ALK: variants seen among roughly 807,000 people sequenced by gnomAD.
ALK encodes ALK receptor tyrosine kinase.
In ALK, 74 loss-of-function variants were observed where a neutral mutation model predicts 163.1. The observed-to-expected ratio is 0.45, with a 90% CI of 0.38 to 0.55. The LOEUF (loss-of-function observed/expected upper bound fraction) is 0.55. Ranked by LOEUF, ALK falls within the 20% of genes least tolerant of loss-of-function variation. ALK has a pLI of 0.00. For synonymous variants in ALK, 960 were observed against 843.2 expected (o/e 1.14, Z -2.40); for missense variants, 2,063 against 2,105.3 (o/e 0.98, Z 0.39).
At chr2:29,664,624 T>C (rs116038352) in intron 3 of ALK, among the ~76,000 whole-genome samples, 75 of 152,296 alleles carry the variant, frequency 4.9e-4, no homozygotes, top group African/African-American at 1.8e-3. Context: ...GGTTTCTTAA[T>C]ATGACTTTTA....
intron 4 of ALK, among the ~76,000 whole-genome samples, chr2:29,502,084 T>G (rs182614652): frequency 1.3e-5 from 2 of 152,322 alleles, no homozygotes. Context: ...ACTTACCATT[T>G]AACAAATTTT....
intron 4 of ALK, among the ~76,000 whole-genome samples, chr2:29,474,533 A>G (rs1481313308): frequency 1.3e-5 from 2 of 152,246 alleles, no homozygotes; most frequent in Admixed American, 1.3e-4. Context: ...TGATGGTGAC[A>G]AGGATGACTT....
chr2:29,296,059 C>T (rs1420521474), intron 9 of ALK, among the ~76,000 whole-genome samples: 2 of 152,150 alleles, frequency 1.3e-5, no homozygotes, highest in Non-Finnish European at 2.9e-5. Context: ...CAGAATAGTG[C>T]CATCCTGGGA....
At chr2:29,678,731 A>G (rs938526134) in intron 3 of ALK, among the ~76,000 whole-genome samples, 5 of 151,498 alleles carry the variant, frequency 3.3e-5, no homozygotes, top group Admixed American at 1.3e-4. Context: ...CTTATATAAT[A>G]CTGATTTTTT....
At chr2:29,273,990 T>C (rs1274017018) in intron 11 of ALK, among the ~76,000 whole-genome samples, 1 of 152,140 alleles carries the variant, frequency 6.6e-6, no homozygotes, top group Non-Finnish European at 1.5e-5. Flanking sequence ...TGTGGGAATA[T>C]ACAAAGGTCT....
chr2:29,227,499 A>G lies in ALK; in HGVS notation c.2914+75T>C. The G allele has an allele frequency of 1.6e-6, 2 of 1,272,738 alleles. No homozygotes were observed. Among genetic ancestry groups the G allele is most frequent in the Non-Finnish European group, 2.3e-6 (2 of 868,542 alleles). 78.8% of individuals were successfully genotyped at this position (1,272,738 alleles called of 1,614,324 possible). A position where few individuals can be genotyped will look rare whatever the true frequency, so the allele number is the denominator to read the frequency against. On this transcript the variant is annotated intron_variant, in intron 17 of 28. Transcript: ENST00000389048. This position sits in a 1 kb window ranked among gnomAD's most constrained non-coding sequence, Gnocchi z 4.4. ...TGCCTCTGTATCCTGGATACAGGTC[A>G]GAGACTCTGAGGTTTTAGCTTGGTG...
At chr2:29,534,267 C>T (rs1673194824) in intron 3 of ALK, among the ~76,000 whole-genome samples, 1 of 152,148 alleles carries the variant, frequency 6.6e-6, no homozygotes, top group African/African-American at 2.4e-5. Flanking sequence ...CATCTTGCAC[C>T]ACAAGTCCAC....
At chr2:29,264,779 G>C (rs187383764) in intron 11 of ALK, among the ~76,000 whole-genome samples, 40 of 152,302 alleles carry the variant, frequency 2.6e-4, no homozygotes, top group African/African-American at 8.2e-4. Context: ...TGGGGCTCCT[G>C]TTTTAGTGTT....
rs201115180 is a variant in ALK at position 29,286,806 on chromosome 2, A to G, written c.1817+10082T>C. ...AGCCTTGAGTTATGAGGCTTTGTGG[A>G]GAAGAAGCGTGATCAATGCTCAGCA... On this transcript the variant is annotated intron_variant, in intron 9 of 28. Transcript: ENST00000389048. 1.5e-4 allele frequency: 23 copies of G among 152,280 alleles called. No individual in the cohort carries two copies. In the East Asian group the frequency reaches 4.4e-3, roughly 29 times the overall value. 9.4% of individuals were successfully genotyped at this position (152,280 alleles called of 1,614,324 possible).
chr2:29,740,663 T>C (rs1304200805), intron 1 of ALK, among the ~76,000 whole-genome samples: 1 of 152,200 alleles, frequency 6.6e-6, no homozygotes, highest in Non-Finnish European at 1.5e-5. Context: ...ATTTATTTAA[T>C]TGTGGTACAT....
In ALK at chr2:29,802,468, T is replaced by G. The variant is rs1477280220; in HGVS notation, c.668-84771A>C. 5.6e-3 allele frequency among the ~76,000 whole-genome samples: 3 copies of G among 534 alleles called. 1 individual carries two copies. In the Admixed American group the frequency reaches 0.068, roughly 12 times the overall value. The allele number at this position is 534 out of a possible 152,430, so 0.4% of individuals were successfully genotyped here. A position where few individuals can be genotyped will look rare whatever the true frequency, so the allele number is the denominator to read the frequency against. On this transcript the variant is annotated intron_variant, in intron 1 of 28. Coordinates refer to ENST00000389048, the MANE Select transcript of ALK (RefSeq NM_004304.5). The stretch of plus-strand genomic sequence containing the variant: ...GCAGGGGAGGGGAGGGGAGGGGAGA[T>G]GAAGGGAGAGGAGGGGAGGGGAAGA...
intron 2 of ALK, among the ~76,000 whole-genome samples, chr2:29,705,804 C>A (rs58511711): frequency 0.11 from 16,854 of 152,224 alleles, 2,095 homozygotes; most frequent in African/African-American, 0.31. Context: ...GACTTGCACA[C>A]AATTTGGCCT....
chr2:29,241,580 T>C (rs1664523627), intron 12 of ALK, among the ~76,000 whole-genome samples: 2 of 151,446 alleles, frequency 1.3e-5, no homozygotes, highest in Non-Finnish European at 2.9e-5. Context: ...GGTAGGGCTC[T>C]GAGACAAGCA....
At chr2:29,762,441 C>T (rs181403467) in intron 1 of ALK, among the ~76,000 whole-genome samples, 50 of 152,224 alleles carry the variant, frequency 3.3e-4, no homozygotes, top group Admixed American at 2.8e-3. Context: ...TTAATAGCTG[C>T]GCAGAGGGTT....
At position 29,516,016 on chromosome 2, in the gene ALK, G is replaced by GT. The variant is rs11449021; in HGVS notation, c.1154+15898_1154+15899insA. ...GCCGAGTGGGCTAAGGTGAGTTCTG[G>GT]GTCCAGTGACCTGGGTGAGGGCTCT... On this transcript the variant is annotated intron_variant, in intron 4 of 28. Coordinates refer to ENST00000389048, the MANE Select transcript of ALK (RefSeq NM_004304.5). Among the ~76,000 whole-genome samples, 760 of 152,264 alleles carry GT rather than the reference G, an allele frequency of 5.0e-3. 6 individuals carry two copies. The highest frequency in any genetic ancestry group is 0.018 in the African/African-American group (731 of 41,546).
chr2:29,242,859 G>A (rs1309258442), intron 12 of ALK, among the ~76,000 whole-genome samples: 1 of 152,256 alleles, frequency 6.6e-6, no homozygotes, highest in Non-Finnish European at 1.5e-5. Flanking sequence ...GCAGGTTTCT[G>A]TGGCTGGGTT....
intron 3 of ALK, among the ~76,000 whole-genome samples, chr2:29,640,216 G>A (rs1676663008): frequency 6.6e-6 from 1 of 152,126 alleles, no homozygotes; most frequent in Non-Finnish European, 1.5e-5. Flanking sequence ...TATGTGCCGG[G>A]TGATACAGTT....
In ALK at chr2:29,193,747, G is replaced by A. The variant is rs554599505; in HGVS notation, c.4340C>T (p.Thr1447Ile). ...SPAAPPPLPT[T>I]SSGKAAKKPT... The stretch of plus-strand genomic sequence containing the variant: ...TTTCTTTGCAGCCTTGCCAGAGGAG[G>A]TGGTAGGCAGAGGTGGTGGGGCAGC... The change falls in exon 29 of 29, where the codon ACC becomes ATC. Residue 1447 changes from threonine to isoleucine, a missense_variant. By Grantham distance (89) the Thr-to-Ile change is moderately conservative. This residue lies in a region of ALK where 403 missense variants were observed against 366.2 expected (regional missense o/e 1.10). Coordinates refer to ENST00000389048, the MANE Select transcript of ALK (RefSeq NM_004304.5). 18 of 1,600,446 alleles carry A rather than the reference G, an allele frequency of 1.1e-5. No homozygotes were observed. In the South Asian group the frequency reaches 2.0e-4, roughly 18 times the overall value.
intron 4 of ALK, among the ~76,000 whole-genome samples, chr2:29,384,390 C>T (rs750418438): frequency 1.3e-5 from 2 of 151,976 alleles, no homozygotes; most frequent in Non-Finnish European, 2.9e-5. Flanking sequence ...TAAAGTGCAC[C>T]GAAGCATGTA....
Sources: gnomAD v4.1 joint callset for allele counts (sites outside exome capture counted in the v4.1 genomes callset) on GRCh38, gnomAD v4.1.1 for gene constraint, gnomAD v4.1.1 regional missense constraint, Gnocchi (gnomAD v3.1) non-coding constraint, MANE v1.5 for transcripts, NCBI Gene and HGNC (gene_info 2026-07-23, HGNC 2026-07-21) for gene names.